SPOCK3: variants seen among roughly 807,000 people sequenced by gnomAD.
SPOCK3 encodes the protein SPARC (osteonectin), cwcv and kazal like domains proteoglycan 3.
In SPOCK3, 30 loss-of-function variants were observed where a neutral mutation model predicts 56.6. That is an observed-to-expected ratio of 0.53 (90% confidence interval 0.40 to 0.72). The LOEUF is 0.72. SPOCK3 is among the 30% of genes least tolerant of loss of function. SPOCK3 has a pLI of 0.00. For synonymous variants in SPOCK3, 196 were observed against 183.3 expected, an observed-to-expected ratio of 1.07 and a Z score of -0.56; for missense variants, 527 against 530.0, an observed-to-expected ratio of 0.99 and a Z score of 0.06.
intron 2 of SPOCK3, among the ~76,000 whole-genome samples, chr4:167,112,553 T>C (rs1463340388): frequency 1.3e-5 from 2 of 151,988 alleles, no homozygotes; most frequent in East Asian, 1.9e-4. Context: ...CTCCAAAAGA[T>C]TGTCATGTCT....
chr4:167,139,422 A>T (rs2150396116), intron 2 of SPOCK3, among the ~76,000 whole-genome samples: 1 of 152,154 alleles, frequency 6.6e-6, no homozygotes, highest in African/African-American at 2.4e-5. Flanking sequence ...TCTGGTAGAA[A>T]CCATGGAAAG....
chr4:167,205,517 AT>A (rs1261882580), intron 2 of SPOCK3, among the ~76,000 whole-genome samples: 2 of 58,462 alleles, frequency 3.4e-5, no homozygotes, highest in Admixed American at 3.4e-4. Context: ...TATAATATAT[AT>A]TATATATATT....
intron 2 of SPOCK3, among the ~76,000 whole-genome samples, chr4:167,226,476 G>A (rs1736608508): frequency 6.6e-6 from 1 of 152,122 alleles, no homozygotes; most frequent in African/African-American, 2.4e-5. Flanking sequence ...GAGGACACGG[G>A]GATGGAGACT....
chr4:166,736,872 C>T lies in SPOCK3; in HGVS notation c.1132+595G>A, dbSNP rs943415716. On this transcript the variant is annotated intron_variant, in intron 10 of 10. Coordinates refer to ENST00000357545, the MANE Select transcript of SPOCK3 (RefSeq NM_001040159.2). ...TGCATGTATGTTATGCTCAACTAAG[C>T]GTTACATTCTATTTTAAATATATAC... 3.9e-5 allele frequency among the ~76,000 whole-genome samples: 6 copies of T among 151,904 alleles called. No individual in the cohort carries two copies. The South Asian group carries it at 1.0e-3, about 26-fold the overall frequency.
intron 4 of SPOCK3, among the ~76,000 whole-genome samples, chr4:166,923,431 CAG>C (rs1431801313): frequency 1.3e-5 from 2 of 152,144 alleles, no homozygotes; most frequent in African/African-American, 2.4e-5. Context: ...TAGCTCACAA[CAG>C]GGAGAATACT....
chr4:167,000,631 G>A (rs909497788), intron 3 of SPOCK3, among the ~76,000 whole-genome samples, 168 bp from the exon 4 acceptor site: 5 of 152,124 alleles, frequency 3.3e-5, no homozygotes, highest in Admixed American at 3.3e-4. Context: ...ATAACTCAGA[G>A]TTAACAGCTA....
Position 166,792,255 on chromosome 4 carries a change from G to A in SPOCK3, c.624C>T (p.Asn208=). The A allele has an allele frequency of 6.2e-7, 1 of 1,613,766 alleles. No individual in the cohort carries two copies. Among genetic ancestry groups the A allele is most frequent in the Non-Finnish European group, 8.5e-7 (1 of 1,179,826 alleles). The change falls in exon 7 of 11, where the codon AAC becomes AAT. Residue 208 remains asparagine (N), a synonymous_variant. Transcript: ENST00000357545. Reference sequence around the variant, plus strand: ...GGGCCTTGAACCAGTCCCGCAATCTGTTTGCCACTTCCCTGAACTCCAGGT... The same window carrying A: ...GGGCCTTGAACCAGTCCCGCAATCTATTTGCCACTTCCCTGAACTCCAGGT... ...CSDLEFREVA[N]RLRDWFKALH... is the part of the protein sequence containing the mutation.
intron 4 of SPOCK3, among the ~76,000 whole-genome samples, chr4:166,962,552 G>A (rs2150059091): frequency 6.6e-6 from 1 of 152,226 alleles, no homozygotes; most frequent in Admixed American, 6.5e-5. Flanking sequence ...ATATTTTAGA[G>A]AGGACAGATG....
At chr4:166,813,975 T>C (rs1260393893) in intron 6 of SPOCK3, among the ~76,000 whole-genome samples, 1 of 152,086 alleles carries the variant, frequency 6.6e-6, no homozygotes, top group Non-Finnish European at 1.5e-5. Flanking sequence ...AAATTGATGG[T>C]AAAACTTGAG....
intron 2 of SPOCK3, among the ~76,000 whole-genome samples, chr4:167,064,124 TTTAAA>T (rs1212523094): frequency 6.6e-6 from 1 of 151,848 alleles, no homozygotes; most frequent in East Asian, 1.9e-4. Flanking sequence ...TTATGAAAAT[TTTAAA>T]TTAAGTTTCA....
chr4:167,209,715 A>C (rs891114061), intron 2 of SPOCK3, among the ~76,000 whole-genome samples: 3 of 152,210 alleles, frequency 2.0e-5, no homozygotes, highest in African/African-American at 7.2e-5. Context: ...ATGCAGGAGC[A>C]TGTGCTTAGA....
chr4:166,908,595 C>A (rs1408723838), intron 5 of SPOCK3, among the ~76,000 whole-genome samples: 1 of 151,412 alleles, frequency 6.6e-6, no homozygotes, highest in African/African-American at 2.4e-5. Flanking sequence ...CTAAGGAATT[C>A]ATGATTGTTT....
At chr4:166,897,032 T>C (rs1026064475) in intron 5 of SPOCK3, among the ~76,000 whole-genome samples, 1 of 152,176 alleles carries the variant, frequency 6.6e-6, no homozygotes, top group African/African-American at 2.4e-5. Flanking sequence ...AAAATCTCAC[T>C]ATGTGCCGTT....
At chr4:166,925,039 A>C (rs1292144218) in intron 4 of SPOCK3, among the ~76,000 whole-genome samples, 1 of 152,182 alleles carries the variant, frequency 6.6e-6, no homozygotes, top group Non-Finnish European at 1.5e-5. Context: ...CTTGTCCCAC[A>C]AATGTCAGTG....
chr4:166,914,451 T>C (rs1737623061), intron 4 of SPOCK3, among the ~76,000 whole-genome samples: 1 of 152,152 alleles, frequency 6.6e-6, no homozygotes, highest in African/African-American at 2.4e-5. Context: ...AAAGAGTAAA[T>C]ATAACTAGAA....
At chr4:166,873,339 A>T (rs1367610909) in intron 6 of SPOCK3, among the ~76,000 whole-genome samples, 2 of 152,136 alleles carry the variant, frequency 1.3e-5, no homozygotes, top group African/African-American at 2.4e-5. Flanking sequence ...GTCATTATAA[A>T]TTTCTCCAAG....
chr4:166,831,768 T>C (rs1746090722), intron 6 of SPOCK3, among the ~76,000 whole-genome samples: 1 of 151,396 alleles, frequency 6.6e-6, no homozygotes, highest in African/African-American at 2.4e-5. Flanking sequence ...GTTTTTTTTT[T>C]TTTAAATTTC....
intron 2 of SPOCK3, among the ~76,000 whole-genome samples, chr4:167,134,789 T>C (rs536190299): frequency 5.3e-5 from 8 of 152,138 alleles, no homozygotes; most frequent in Admixed American, 6.6e-5. Flanking sequence ...TGCTCCATTA[T>C]AGGAGATTTC....
At chr4:166,885,309 A>T (rs1463499328) in intron 6 of SPOCK3, among the ~76,000 whole-genome samples, 1 of 151,378 alleles carries the variant, frequency 6.6e-6, no homozygotes. Flanking sequence ...ACAAACAAAA[A>T]AATTGTCTCA....
Sources: allele counts gnomAD v4.1 joint callset (sites outside exome capture counted in the v4.1 genomes callset), GRCh38; gene constraint gnomAD v4.1.1; transcripts MANE v1.5; gene names NCBI Gene and HGNC (gene_info 2026-07-23, HGNC 2026-07-21).